The following SLC14A2 variants were observed in gnomAD, a reference collection of about 807,000 sequenced individuals.
The protein encoded by SLC14A2 is urea transporter 2.
In SLC14A2, 91 loss-of-function variants were observed where a neutral mutation model predicts 104.6. That is an observed-to-expected ratio of 0.87 (90% CI 0.73 to 1.04). The LOEUF (loss-of-function observed/expected upper bound fraction) is 1.04. SLC14A2 is among the 50% of genes least tolerant of loss of function. The pLI is 0.00. For synonymous variants in SLC14A2, 476 were observed against 466.4 expected, an observed-to-expected ratio of 1.02 and a Z score of -0.27; for missense variants, 1,189 against 1,156.0, an observed-to-expected ratio of 1.03 and a Z score of -0.41.
chr18:45,239,625 C>T (rs768310), intron 1 of SLC14A2, among the ~76,000 whole-genome samples: 22,734 of 152,102 alleles, frequency 0.15, 2,257 homozygotes, highest in African/African-American at 0.29. Flanking sequence ...AAAACACATG[C>T]GGAGGGTGGA....
At chr18:45,478,693 C>T (rs2852293) in intron 1 of SLC14A2, among the ~76,000 whole-genome samples, 29,353 of 151,912 alleles carry the variant, frequency 0.19, 3,358 homozygotes, top group Non-Finnish European at 0.26. Flanking sequence ...TAGCATCTCT[C>T]TAGTTTATAG....
At chr18:45,647,868 G>A (rs2045649416) in intron 10 of SLC14A2, 1 of 151,776 alleles carries the variant, frequency 6.6e-6, no homozygotes. Context: ...AAAATTGTGT[G>A]AATTTTTCTT....
At chr18:45,331,183 C>T (rs963432634) in intron 1 of SLC14A2, among the ~76,000 whole-genome samples, 14 of 152,176 alleles carry the variant, frequency 9.2e-5, no homozygotes, top group African/African-American at 3.1e-4. Context: ...TTAGAATATA[C>T]GGACATCTAA....
chr18:45,535,554 G>C, intron 2 of SLC14A2, among the ~76,000 whole-genome samples: 1 of 152,278 alleles, frequency 6.6e-6, no homozygotes, highest in South Asian at 2.1e-4. Context: ...ACTTGTCTAA[G>C]ATTGTGCAAA....
At chr18:45,465,922 C>A (rs1169955255) in intron 1 of SLC14A2, among the ~76,000 whole-genome samples, 13 of 152,092 alleles carry the variant, frequency 8.5e-5, no homozygotes, top group Admixed American at 8.5e-4. Flanking sequence ...AAAAAGTGTC[C>A]TCCTGACTTC....
At chr18:45,559,911 GA>G (rs1388810925) in intron 2 of SLC14A2, among the ~76,000 whole-genome samples, 3 of 152,198 alleles carry the variant, frequency 2.0e-5, no homozygotes, top group Non-Finnish European at 4.4e-5. Context: ...CTAGGGAAGA[GA>G]ATGTTTGACC....
At position 45,392,896 on chromosome 18, in the gene SLC14A2, T is replaced by A. The variant is rs567692036; in HGVS notation, c.-124-90337T>A. ...CTTCAGCATTCTTTCTACAAAAAAA[T>A]AATTTGACTGGACTCCCTGTCCACT... is the stretch of plus-strand genomic sequence containing the variant. On this transcript the variant is annotated intron_variant, in intron 1 of 20. Coordinates refer to the SLC14A2 transcript ENST00000586448. Among the ~76,000 whole-genome samples the A allele has an allele frequency of 1.6e-4, 24 of 152,324 alleles. No individual in the cohort carries two copies. In the South Asian group the frequency reaches 4.8e-3, roughly 30 times the overall value.
chr18:45,675,709 A>ATATATT lies in SLC14A2; in HGVS notation c.2512+1893_2512+1894insATATTT, dbSNP rs57989993. 8.8e-3 allele frequency among the ~76,000 whole-genome samples: 692 copies of ATATATT among 78,372 alleles called. 4 individuals carry two copies. Among genetic ancestry groups the ATATATT allele is most frequent in the Non-Finnish European group, 0.013 (537 of 41,996 alleles). The allele number at this position is 78,372 out of a possible 152,430, so 51.4% of individuals were successfully genotyped here. A position where few individuals can be genotyped will look rare whatever the true frequency, so the allele number is the denominator to read the frequency against. ...TCTATATATATATATATATATATAT[A>ATATATT]TTTTTTTTTTTTTTTTTTTTGGAGA... On this transcript the variant is annotated intron_variant, in intron 18 of 19. Transcript: ENST00000255226.
intron 1 of SLC14A2, among the ~76,000 whole-genome samples, chr18:45,335,028 C>A (rs984418560): frequency 6.6e-6 from 1 of 152,160 alleles, no homozygotes; most frequent in Non-Finnish European, 1.5e-5. Context: ...AACAGCTGTA[C>A]AGAAGTACAA....
chr18:45,276,813 G>A (rs2084707482), intron 1 of SLC14A2, among the ~76,000 whole-genome samples: 1 of 152,160 alleles, frequency 6.6e-6, no homozygotes, highest in Non-Finnish European at 1.5e-5. Context: ...CCCAGGACAA[G>A]CTACACCGTA....
chr18:45,610,923 T>C (rs1208194995), upstream of SLC14A2, among the ~76,000 whole-genome samples: 1 of 152,200 alleles, frequency 6.6e-6, no homozygotes, highest in African/African-American at 2.4e-5. Context: ...ACAGAAAATG[T>C]GTGCTGAAAG....
chr18:45,287,239 G>T (rs1161846575), intron 1 of SLC14A2, among the ~76,000 whole-genome samples: 1 of 152,224 alleles, frequency 6.6e-6, no homozygotes, highest in Non-Finnish European at 1.5e-5. Flanking sequence ...GTTTCCTTGT[G>T]GGAGGAGGGA....
chr18:45,270,003 A>G (rs1250853475), intron 1 of SLC14A2, among the ~76,000 whole-genome samples: 1 of 152,038 alleles, frequency 6.6e-6, no homozygotes, highest in East Asian at 1.9e-4. Context: ...TTTGAGGAGA[A>G]AAACATATTT....
In SLC14A2 at chr18:45,599,156, C is replaced by T. The variant is rs115080974; in HGVS notation, c.-34-25475C>T. ...GAGGCATTTTAAACACATAATGTAG[C>T]GTTTATATCTCTTACTTTGCACAGC... On this transcript the variant is annotated intron_variant, in intron 2 of 20. Coordinates refer to the SLC14A2 transcript ENST00000586448. Among the ~76,000 whole-genome samples the T allele has an allele frequency of 1.5e-3, 229 of 152,266 alleles. 2 individuals carry two copies. Among genetic ancestry groups the T allele is most frequent in the African/African-American group, 5.2e-3 (216 of 41,534 alleles).
chr18:45,300,074 G>A (rs778148849), intron 1 of SLC14A2, among the ~76,000 whole-genome samples: 1 of 152,134 alleles, frequency 6.6e-6, no homozygotes, highest in Non-Finnish European at 1.5e-5. Context: ...CCGTCTCAGG[G>A]CAAGGTCTAG....
chr18:45,395,421 A>G (rs552354470), intron 1 of SLC14A2, among the ~76,000 whole-genome samples: 13 of 152,308 alleles, frequency 8.5e-5, no homozygotes, highest in African/African-American at 3.1e-4. Flanking sequence ...GTTGCTGTTC[A>G]ATGGGTATAG....
At chr18:45,463,745 A>T (rs1393973464) in intron 1 of SLC14A2, among the ~76,000 whole-genome samples, 3 of 152,178 alleles carry the variant, frequency 2.0e-5, no homozygotes, top group African/African-American at 7.2e-5. Context: ...ATGGACATGA[A>T]GATCTCCTAG....
intron 1 of SLC14A2, among the ~76,000 whole-genome samples, chr18:45,221,620 C>T (rs2084063165): frequency 6.6e-6 from 1 of 152,112 alleles, no homozygotes; most frequent in South Asian, 2.1e-4. Flanking sequence ...AAAAGTGTGA[C>T]CCATACAGAT....
the SLC14A2 span, among the ~76,000 whole-genome samples, chr18:45,186,726 A>T: frequency 6.6e-6 from 1 of 152,234 alleles, no homozygotes; most frequent in Non-Finnish European, 1.5e-5. Context: ...ACACCATTAC[A>T]GTCATAAACT....
Sources: gnomAD v4.1 joint callset for allele counts (sites outside exome capture counted in the v4.1 genomes callset) on GRCh38, gnomAD v4.1.1 for gene constraint, MANE v1.5 for transcripts, NCBI Gene and HGNC (gene_info 2026-07-23, HGNC 2026-07-21) for gene names.